The following SLC45A4 variants were observed in gnomAD, a reference collection of about 807,000 sequenced individuals.
SLC45A4 encodes the protein solute carrier family 45 member 4.
Under a neutral mutation model 63.7 loss-of-function variants are expected in SLC45A4, and 32 were observed. The ratio of observed to expected loss-of-function variants is 0.50; its 90% CI spans 0.38 to 0.67. SLC45A4 has a LOEUF of 0.67. Ranked by LOEUF, SLC45A4 falls within the 30% of genes least tolerant of loss-of-function variation. SLC45A4 has a pLI of 0.00. For missense variants in SLC45A4, 1,027 were observed against 1,157.7 expected, an observed-to-expected ratio of 0.89 and a Z score of 1.64; for synonymous variants, 535 against 510.0, an observed-to-expected ratio of 1.05 and a Z score of -0.66.
In SLC45A4 at chr8:141,210,913, T is replaced by G. The variant is rs1430335185; in HGVS notation, c.*659A>C. The G allele has an allele frequency of 6.6e-6, 1 of 152,668 alleles. No homozygotes were observed. The highest frequency in any genetic ancestry group is 1.9e-4 in the East Asian group (1 of 5,204). 9.5% of individuals were successfully genotyped at this position (152,668 alleles called of 1,614,324 possible). A position where few individuals can be genotyped will look rare whatever the true frequency, so the allele number is the denominator to read the frequency against. On this transcript the variant is annotated 3_prime_UTR_variant, in exon 9 of 9. Coordinates refer to ENST00000517878, the MANE Select transcript of SLC45A4 (RefSeq NM_001286646.2). The stretch of plus-strand genomic sequence containing the variant: ...AAACATTTCCAAATAGCTGCAGTAC[T>G]TGCCCGAGTTTTGCTTATTCGTTGA...
At position 141,211,351 on chromosome 8, in the gene SLC45A4, G is replaced by T; in HGVS notation, c.*221C>A. ...GCTGGGCGCAGACACACTCACACGC[G>T]CACGCAGGAGCTCGTCTGGAGCTCA... On this transcript the variant is annotated 3_prime_UTR_variant, in exon 9 of 9. Coordinates refer to ENST00000517878, the MANE Select transcript of SLC45A4 (RefSeq NM_001286646.2). The T allele has an allele frequency of 7.2e-7, 1 of 1,392,902 alleles. No homozygotes were observed. Among genetic ancestry groups the T allele is most frequent in the Non-Finnish European group, 9.6e-7 (1 of 1,037,414 alleles). The allele number at this position is 1,392,902 out of a possible 1,614,324, so 86.3% of individuals were successfully genotyped here. A position where few individuals can be genotyped will look rare whatever the true frequency, so the allele number is the denominator to read the frequency against.
rs533708800 is a variant in SLC45A4, at chr8:141,277,646, ATT to A, written c.-400-23019_-400-23018del. ...TCTTCAAATTGTGTTATCTTTAAAC[ATT>A]TTTTTTTTTGAGATGGAGTCTTGCT... On this transcript the variant is annotated intron_variant, in intron 1 of 8. Transcript: ENST00000517878. 3.5e-4 allele frequency among the ~76,000 whole-genome samples: 51 copies of A among 147,788 alleles called. No homozygotes were observed. The East Asian group carries it at 9.7e-3, about 28-fold the overall frequency.
chr8:141,295,172 C>A (rs138494257), intron 1 of SLC45A4, among the ~76,000 whole-genome samples: 8 of 152,326 alleles, frequency 5.3e-5, no homozygotes, highest in African/African-American at 1.7e-4. Flanking sequence ...AGGCTGGAGG[C>A]ATGTGAGCCA....
At chr8:141,257,142 A>G (rs1828834320) in intron 1 of SLC45A4, among the ~76,000 whole-genome samples, 1 of 152,206 alleles carries the variant, frequency 6.6e-6, no homozygotes, top group African/African-American at 2.4e-5. Context: ...GTGGGGCACC[A>G]CACCCAGCCA....
At chr8:141,307,549 AGAAG>A (rs1358763418) in intron 1 of SLC45A4, among the ~76,000 whole-genome samples, 1 of 144,196 alleles carries the variant, frequency 6.9e-6, no homozygotes, top group Non-Finnish European at 1.5e-5. Context: ...AAGAAGGGGA[AGAAG>A]GGAGTGTGTT....
intron 1 of SLC45A4, among the ~76,000 whole-genome samples, chr8:141,275,093 T>C (rs1829682667): frequency 6.6e-6 from 1 of 152,220 alleles, no homozygotes; most frequent in Admixed American, 6.5e-5. Context: ...TCGGTTCGAC[T>C]GAAAACCCAC....
intron 1 of SLC45A4, among the ~76,000 whole-genome samples, chr8:141,262,942 T>C (rs1305001050): frequency 6.6e-6 from 1 of 151,532 alleles, no homozygotes; most frequent in Non-Finnish European, 1.5e-5. Context: ...CTATTCACAA[T>C]AGCAAAGACT....
chr8:141,264,621 TG>T (rs896411779), intron 1 of SLC45A4, among the ~76,000 whole-genome samples: 8 of 152,162 alleles, frequency 5.3e-5, no homozygotes, highest in African/African-American at 1.9e-4. Context: ...TAAACTAGCC[TG>T]GGGGGAGCCA....
chr8:141,263,430 A>G (rs866761655), intron 1 of SLC45A4, among the ~76,000 whole-genome samples: 1 of 151,702 alleles, frequency 6.6e-6, no homozygotes, highest in Non-Finnish European at 1.5e-5. Context: ...GTGAAAAAAT[A>G]AATAAATAAA....
At position 141,221,565 on chromosome 8, in the gene SLC45A4, C is replaced by T. The variant is rs77680987; in HGVS notation, c.430+12G>A. 6,505 of 1,609,486 alleles carry T rather than the reference C, an allele frequency of 4.0e-3. 120 individuals are homozygous for T. In the East Asian group the frequency reaches 0.068, roughly 17 times the overall value. ...GTGTTGTGAGGACACCAGGTGTGGC[C>T]GAGAAACTTACCGATGGCAGAGCCG... On this transcript the variant is annotated intron_variant, in intron 3 of 8. Transcript: ENST00000517878.
chr8:141,282,316 C>A lies in SLC45A4; in HGVS notation c.-401+25780G>T, dbSNP rs114966000. ...CCTCCTGCCTTCCCAGGTGGCCCCA[C>A]GATGGAGTTTCCTCGAATTTCCTGA... On this transcript the variant is annotated intron_variant, in intron 1 of 8. Transcript: ENST00000517878. 7.6e-3 allele frequency among the ~76,000 whole-genome samples: 1,153 copies of A among 152,328 alleles called. 12 individuals are homozygous for A. Among genetic ancestry groups the A allele is most frequent in the African/African-American group, 0.026 (1,074 of 41,570 alleles).
rs1829800737 is a variant in SLC45A4, at chr8:141,278,171, C to T, written c.-400-23542G>A. The T allele has an allele frequency of 2.0e-5, 3 of 152,850 alleles. No homozygotes were observed. The highest frequency in any genetic ancestry group is 7.2e-5 in the African/African-American group (3 of 41,600). 9.5% of individuals were successfully genotyped at this position (152,850 alleles called of 1,614,324 possible). A position where few individuals can be genotyped will look rare whatever the true frequency, so the allele number is the denominator to read the frequency against. ...TTTGCACCTGCCTCAGCAGCAGCCCCGCCCTCTGACAGCCCCAGCACCAGG... is the reference window on the plus strand; with the variant it reads ...TTTGCACCTGCCTCAGCAGCAGCCCTGCCCTCTGACAGCCCCAGCACCAGG... On this transcript the variant is annotated intron_variant, in intron 1 of 8. Transcript: ENST00000517878. This position sits in a 1 kb window ranked among gnomAD's most constrained non-coding sequence, Gnocchi z 4.1.
chr8:141,244,416 C>T lies in SLC45A4; in HGVS notation c.241+9573G>A, dbSNP rs939783699. On this transcript the variant is annotated intron_variant, in intron 2 of 8. Transcript: ENST00000517878. ...GTCAATTTCTCCTTCATCAGCAAGT[C>T]ACTCGTTCAGTCCTGCAAGTCTTTG... 3.3e-5 allele frequency among the ~76,000 whole-genome samples: 5 copies of T among 152,332 alleles called. No individual in the cohort carries two copies. The South Asian group carries it at 1.0e-3, about 32-fold the overall frequency.
chr8:141,220,493 G>A (rs1029178832), intron 3 of SLC45A4, among the ~76,000 whole-genome samples: 1 of 152,172 alleles, frequency 6.6e-6, no homozygotes, highest in Non-Finnish European at 1.5e-5. Flanking sequence ...TGCCTCAGGG[G>A]AGTCTGCCCC....
chr8:141,262,760 T>C (rs1829091022), intron 1 of SLC45A4, among the ~76,000 whole-genome samples: 2 of 151,814 alleles, frequency 1.3e-5, no homozygotes, highest in Admixed American at 6.6e-5. Context: ...TTTTACACTG[T>C]TGGTGGGACT....
rs567571692 is a variant in SLC45A4, at chr8:141,283,401, A to G, written c.-401+24695T>C. 1.6e-3 allele frequency among the ~76,000 whole-genome samples: 251 copies of G among 152,330 alleles called. 2 individuals are homozygous for G. Among genetic ancestry groups the G allele is most frequent in the African/African-American group, 5.7e-3 (238 of 41,594 alleles). Reference sequence around the variant, plus strand: ...GGTTCCCTCCCAGCCCCAAAGCTCCAGGCCTACCTCTAGCTCCCAGTGCAG... The same window carrying G: ...GGTTCCCTCCCAGCCCCAAAGCTCCGGGCCTACCTCTAGCTCCCAGTGCAG... On this transcript the variant is annotated intron_variant, in intron 1 of 8. Transcript: ENST00000517878.
chr8:141,291,139 C>A (rs1830333427), intron 1 of SLC45A4, among the ~76,000 whole-genome samples: 1 of 152,212 alleles, frequency 6.6e-6, no homozygotes, highest in Non-Finnish European at 1.5e-5. Context: ...CCCACCTCAG[C>A]CTCCCAAAGT....
At position 141,251,175 on chromosome 8, in the gene SLC45A4, C is replaced by T. The variant is rs1309453040; in HGVS notation, c.241+2814G>A. Among the ~76,000 whole-genome samples the T allele has an allele frequency of 2.0e-5, 3 of 152,186 alleles. No homozygotes were observed. In the East Asian group the frequency reaches 5.8e-4, roughly 29 times the overall value. On this transcript the variant is annotated intron_variant, in intron 2 of 8. Transcript: ENST00000517878. ...GCGCCTCAGCTTTGTTATGACAGTGCTTTCATGATTAGCTCGGTGCCAAGT... is the reference window on the plus strand; with the variant it reads ...GCGCCTCAGCTTTGTTATGACAGTGTTTTCATGATTAGCTCGGTGCCAAGT...
chr8:141,232,123 C>T (rs752961306), intron 2 of SLC45A4, among the ~76,000 whole-genome samples: 9 of 152,236 alleles, frequency 5.9e-5, no homozygotes, highest in Non-Finnish European at 1.0e-4. Flanking sequence ...TGAAGCTGAG[C>T]CTCCAATGGA....
Sources: gnomAD v4.1 joint callset for allele counts (sites outside exome capture counted in the v4.1 genomes callset) on GRCh38, gnomAD v4.1.1 for gene constraint, Gnocchi (gnomAD v3.1) non-coding constraint, MANE v1.5 for transcripts, NCBI Gene and HGNC (gene_info 2026-07-23, HGNC 2026-07-21) for gene names.